Variants in DSG3 observed in about 807,000 individuals in gnomAD.
The protein encoded by DSG3 is desmoglein 3.
DSG3 carries 63 observed loss-of-function variants against 85.9 expected under a neutral mutation model. The ratio of observed to expected loss-of-function variants is 0.73; its 90% CI spans 0.60 to 0.90. The LOEUF is 0.90. Among genes scored for constraint, DSG3 ranks in the 40% least tolerant of loss-of-function variants. The pLI is 0.00. For synonymous variants in DSG3, 447 were observed against 441.9 expected, an observed-to-expected ratio of 1.01 and a Z score of -0.14; for missense variants, 1,220 against 1,219.9, an observed-to-expected ratio of 1.00 and a Z score of 0.00.
Position 31,448,013 on chromosome 18 carries a change from A to G in DSG3, c.48+88A>G, listed in dbSNP as rs1331734612. 2.7e-5 allele frequency: 28 copies of G among 1,044,874 alleles called. No individual in the cohort carries two copies. In the Admixed American group the frequency reaches 8.9e-4, roughly 33 times the overall value. 64.7% of individuals were successfully genotyped at this position (1,044,874 alleles called of 1,614,324 possible). Reference sequence around the variant, plus strand: ...TATATTTGATTGCACAATCTTTATTATAAATTCTAAAAGGAGTGCAGTGGA... The same window carrying G: ...TATATTTGATTGCACAATCTTTATTGTAAATTCTAAAAGGAGTGCAGTGGA... On this transcript the variant is annotated intron_variant, in intron 1 of 15. Coordinates refer to ENST00000257189, the MANE Select transcript of DSG3 (RefSeq NM_001944.3).
chr18:31,469,175 C>T lies in DSG3; in HGVS notation c.1723C>T (p.Arg575Trp), dbSNP rs61730311. ...GGTACTTACAGACAGTCAGAACAAT[C>T]GGTGTGAGATGCCACGCAGCTTGAC... ...SLVLTDSQNN[R>W]CEMPRSLTLE... Residue 575 changes from arginine to tryptophan, a missense_variant, in exon 12 of 16, where the codon CGG becomes TGG. Arg to Trp is a moderately radical substitution (Grantham distance 101). Coordinates refer to ENST00000257189, the MANE Select transcript of DSG3 (RefSeq NM_001944.3). 14,911 of 1,614,146 alleles carry T rather than the reference C, an allele frequency of 9.2e-3. 103 individuals are homozygous for T. The highest frequency in any genetic ancestry group is 0.011 in the South Asian group (1,002 of 91,088).
intron 5 of DSG3, 97 bp from the exon 6 acceptor site, chr18:31,459,748 A>G: frequency 8.2e-7 from 1 of 1,225,434 alleles, no homozygotes; most frequent in Non-Finnish European, 1.1e-6. Context: ...TAGGATATTT[A>G]AAAATTAGCA....
chr18:31,455,635 AGT>A (rs1401027227), intron 1 of DSG3, among the ~76,000 whole-genome samples: 2 of 152,200 alleles, frequency 1.3e-5, no homozygotes, highest in African/African-American at 2.4e-5. Flanking sequence ...GCAATATTTA[AGT>A]GGGTGGAGTA....
chr18:31,468,176 A>G (rs912952275), intron 11 of DSG3, among the ~76,000 whole-genome samples: 5 of 152,258 alleles, frequency 3.3e-5, no homozygotes, highest in African/African-American at 1.2e-4. Context: ...GATAGAAAAC[A>G]GTCTATGCTC....
In DSG3 at chr18:31,472,639, A is replaced by G. The variant is rs1232086766; in HGVS notation, c.2038-86A>G. On this transcript the variant is annotated intron_variant, in intron 13 of 15. Coordinates refer to ENST00000257189, the MANE Select transcript of DSG3 (RefSeq NM_001944.3). ...TGCACTTCTTGTAATGTTATCATTT[A>G]CAAATTTGCAAAGGGCCACATGTCA... 2.8e-6 allele frequency: 4 copies of G among 1,408,226 alleles called. No homozygotes were observed. In the Admixed American group the frequency reaches 7.5e-5, roughly 26 times the overall value. 87.2% of individuals were successfully genotyped at this position (1,408,226 alleles called of 1,614,324 possible).
At chr18:31,456,599 T>C (rs933699936) in intron 2 of DSG3, 124 bp downstream of exon 2, 58 of 483,946 alleles carry the variant, frequency 1.2e-4, no homozygotes, top group Non-Finnish European at 1.3e-4. Context: ...TGTGAAAATA[T>C]ATAAAATTAA....
intron 1 of DSG3, 71 bp from the exon 2 acceptor site, chr18:31,456,369 G>A: frequency 1.1e-6 from 1 of 941,638 alleles, no homozygotes; most frequent in Non-Finnish European, 1.5e-6. Flanking sequence ...TAATAATCAG[G>A]ATTATTCATT....
chr18:31,460,723 C>G (rs762527390), intron 6 of DSG3, 110 bp from the exon 7 acceptor site: 5 of 1,022,406 alleles, frequency 4.9e-6, no homozygotes, highest in Non-Finnish European at 6.9e-6. Flanking sequence ...CCACAAATGT[C>G]TTCTACATAA....
At chr18:31,448,467 A>C (rs1212271040) in intron 1 of DSG3, among the ~76,000 whole-genome samples, 1 of 152,144 alleles carries the variant, frequency 6.6e-6, no homozygotes, top group Non-Finnish European at 1.5e-5. Context: ...GTGCCAAAAG[A>C]AAATGTCAGC....
chr18:31,461,135 T>C, intron 7 of DSG3, 92 bp from the exon 8 acceptor site: 1 of 1,279,960 alleles, frequency 7.8e-7, no homozygotes, highest in Non-Finnish European at 1.1e-6. Flanking sequence ...AAATACATAA[T>C]TTGAGAAATA....
chr18:31,474,222 G>T lies in DSG3; in HGVS notation c.2203G>T (p.Ala735Ser). 1.2e-6 allele frequency: 2 copies of T among 1,614,182 alleles called. No individual in the cohort carries two copies. Among genetic ancestry groups the T allele is most frequent in the Non-Finnish European group, 1.7e-6 (2 of 1,180,034 alleles). Reference protein sequence around the residue: ...LGAATESGGAAGFATGTVSGA... With the variant: ...LGAATESGGASGFATGTVSGA... ...AGCAGCCACTGAATCTGGAGGTGCT[G>T]CAGGCTTTGCAACAGGGACAGTGTC... Residue 735 changes from alanine to serine, a missense_variant, in exon 15 of 16, where the codon GCA (alanine) becomes TCA (serine). By Grantham distance (99) the Ala-to-Ser change is moderately conservative. Transcript: ENST00000257189.
At chr18:31,450,117 G>T (rs8099248) in intron 1 of DSG3, among the ~76,000 whole-genome samples, 141,032 of 152,300 alleles carry the variant, frequency 0.93, 65,458 homozygotes, top group East Asian at 1. Flanking sequence ...GTGGTTTTTA[G>T]CTTTCTATTG....
rs2072903763 is a variant in DSG3, at chr18:31,478,635, T to A, written c.*2375T>A. The stretch of plus-strand genomic sequence containing the variant: ...TGTATTATACATTTTGAACCATATG[T>A]ATTAAACCATAAACAGTATAATGTT... On this transcript the variant is annotated 3_prime_UTR_variant, in exon 16 of 16. Transcript: ENST00000257189. 6.6e-6 allele frequency: 1 copy of A among 152,238 alleles called. No individual in the cohort carries two copies. Among genetic ancestry groups the A allele is most frequent in the Admixed American group, 6.5e-5 (1 of 15,282 alleles). The allele number at this position is 152,238 out of a possible 1,614,324, so 9.4% of individuals were successfully genotyped here. A position where few individuals can be genotyped will look rare whatever the true frequency, so the allele number is the denominator to read the frequency against.
At chr18:31,459,404 G>T (rs1234194224) in intron 5 of DSG3, among the ~76,000 whole-genome samples, 1 of 152,156 alleles carries the variant, frequency 6.6e-6, no homozygotes, top group Non-Finnish European at 1.5e-5. Flanking sequence ...CAGGTCAATA[G>T]TATCTTATTC....
chr18:31,467,121 A>G (rs1404635835), intron 11 of DSG3, among the ~76,000 whole-genome samples: 6 of 152,200 alleles, frequency 3.9e-5, no homozygotes. Context: ...TGGGAGGATC[A>G]TCTGAGTTCA....
In DSG3 at chr18:31,458,466, A is replaced by C; in HGVS notation, c.238A>C (p.Thr80Pro). Residue 80 changes from threonine (T) to proline (P), a missense_variant, in exon 4 of 16, where the codon ACC becomes CCC. Thr to Pro is a conservative substitution (Grantham distance 38). Coordinates refer to ENST00000257189, the MANE Select transcript of DSG3 (RefSeq NM_001944.3). ...GTAGATTACTTCAGATTACCAAGCA[A>C]CCCAGAAAATCACCTACCGAATCTC... ...IAKITSDYQA[T>P]QKITYRISGV... is the part of the protein sequence containing the mutation. 6.2e-7 allele frequency: 1 copy of C among 1,614,036 alleles called. No homozygotes were observed. The highest frequency in any genetic ancestry group is 1.1e-5 in the South Asian group (1 of 91,066).
At chr18:31,449,832 A>T (rs1487889029) in intron 1 of DSG3, among the ~76,000 whole-genome samples, 1 of 152,232 alleles carries the variant, frequency 6.6e-6, no homozygotes, top group Non-Finnish European at 1.5e-5. Context: ...CCCATATGGT[A>T]GCCACCAGCC....
At position 31,471,126 on chromosome 18, in the gene DSG3, G is replaced by C. The variant is rs183599492; in HGVS notation, c.1898-1158G>C. On this transcript the variant is annotated intron_variant, in intron 12 of 15. Coordinates refer to ENST00000257189, the MANE Select transcript of DSG3 (RefSeq NM_001944.3). ...TAAAAGTTCAAGAGAGATGATGAAGGTCAGATTTCGAGCTGTGACATGAGA... is the reference window on the plus strand; with the variant it reads ...TAAAAGTTCAAGAGAGATGATGAAGCTCAGATTTCGAGCTGTGACATGAGA... 1.2e-3 allele frequency among the ~76,000 whole-genome samples: 189 copies of C among 152,192 alleles called. 1 individual carries two copies. Among genetic ancestry groups the C allele is most frequent in the African/African-American group, 4.4e-3 (182 of 41,516 alleles).
chr18:31,463,837 G>C (rs746732785), intron 8 of DSG3, among the ~76,000 whole-genome samples: 1 of 151,992 alleles, frequency 6.6e-6, no homozygotes, highest in Non-Finnish European at 1.5e-5. Context: ...GCAAACTTGG[G>C]GTTCTTTCCA....
Sources: gnomAD v4.1 joint callset for allele counts (sites outside exome capture counted in the v4.1 genomes callset) on GRCh38, gnomAD v4.1.1 for gene constraint, MANE v1.5 for transcripts, NCBI Gene and HGNC (gene_info 2026-07-23, HGNC 2026-07-21) for gene names.